TTC7B: variants seen among roughly 807,000 people sequenced by gnomAD.
TTC7B encodes the protein tetratricopeptide repeat domain 7B, also known as tetratricopeptide repeat protein 7B.
Under a neutral mutation model 106.8 loss-of-function variants are expected in TTC7B, and 28 were observed. The observed-to-expected ratio is 0.26, with a 90% CI of 0.19 to 0.36. The LOEUF is 0.36. Among genes scored for constraint, TTC7B ranks in the 10% least tolerant of loss-of-function variants. The pLI is 1.00. For missense variants in TTC7B, 862 were observed against 1,076.4 expected, an observed-to-expected ratio of 0.80 and a Z score of 2.79; for synonymous variants, 405 against 430.6, an observed-to-expected ratio of 0.94 and a Z score of 0.74.
At chr14:90,741,425 C>G (rs1049167171) in intron 4 of TTC7B, among the ~76,000 whole-genome samples, 8 of 152,172 alleles carry the variant, frequency 5.3e-5, no homozygotes, top group African/African-American at 1.4e-4. Context: ...CAGGCCCCAG[C>G]GAGCAGAAGT....
At chr14:90,772,987 A>G (rs951982214) in intron 3 of TTC7B, 1 of 152,346 alleles carries the variant, frequency 6.6e-6, no homozygotes, top group African/African-American at 2.4e-5. Context: ...TAAAAGAACA[A>G]TAAAATAAAA....
intron 1 of TTC7B, among the ~76,000 whole-genome samples, chr14:90,813,813 C>T (rs1209444592): frequency 6.6e-6 from 1 of 152,066 alleles, no homozygotes; most frequent in Non-Finnish European, 1.5e-5. Context: ...AACTTGTGCT[C>T]ATGCACCCGA....
At chr14:90,743,038 G>T (rs1005246158) in intron 4 of TTC7B, among the ~76,000 whole-genome samples, 1 of 152,258 alleles carries the variant, frequency 6.6e-6, no homozygotes, top group Non-Finnish European at 1.5e-5. Flanking sequence ...CAAGGAGGCA[G>T]ACAGTGGAAA....
At chr14:90,750,965 T>C (rs1890116489) in intron 3 of TTC7B, among the ~76,000 whole-genome samples, 1 of 152,252 alleles carries the variant, frequency 6.6e-6, no homozygotes, top group African/African-American at 2.4e-5. Context: ...ATATCAACAC[T>C]GTCTGAGAAG....
intron 7 of TTC7B, among the ~76,000 whole-genome samples, chr14:90,683,802 A>C (rs1274717754): frequency 6.6e-6 from 1 of 152,152 alleles, no homozygotes; most frequent in East Asian, 1.9e-4. Flanking sequence ...GGCTGTGTAC[A>C]CCAGAGGCAA....
intron 7 of TTC7B, among the ~76,000 whole-genome samples, chr14:90,681,276 G>C (rs1042271400): frequency 5.9e-5 from 9 of 152,010 alleles, no homozygotes; most frequent in African/African-American, 2.4e-5. Flanking sequence ...AGAATCCTTT[G>C]AGCAGAATTG....
At chr14:90,661,755 GT>G (rs1228902040) in intron 9 of TTC7B, among the ~76,000 whole-genome samples, 3 of 152,226 alleles carry the variant, frequency 2.0e-5, no homozygotes, top group East Asian at 3.9e-4. Flanking sequence ...TGTTTAAATG[GT>G]TTTTTTGTCC....
intron 1 of TTC7B, among the ~76,000 whole-genome samples, chr14:90,793,438 T>C (rs1891655323): frequency 6.7e-6 from 1 of 150,168 alleles, no homozygotes; most frequent in East Asian, 2.0e-4. Flanking sequence ...GCAGGAAGAA[T>C]CGCTTGAACC....
chr14:90,676,937 G>A (rs1345124375), intron 8 of TTC7B, among the ~76,000 whole-genome samples: 1 of 152,166 alleles, frequency 6.6e-6, no homozygotes, highest in Admixed American at 6.5e-5. Flanking sequence ...CTTGGCAGCC[G>A]ATACAAAGTT....
rs1321959726 is a variant in TTC7B at position 90,527,040 on chromosome 14, T to C, written c.*14328A>G. On this transcript the variant is annotated 3_prime_UTR_variant, in exon 20 of 20. Coordinates refer to ENST00000328459, the MANE Select transcript of TTC7B (RefSeq NM_001010854.2). ...ATGCTCTTGGTAGTTTTGAGGGGTA[T>C]TGGTCAGGTATTTTGTAGAAAGTTC... is the stretch of plus-strand genomic sequence containing the variant. The C allele has an allele frequency of 6.6e-6, 1 of 152,158 alleles. No individual in the cohort carries two copies. The highest frequency in any genetic ancestry group is 2.4e-5 in the African/African-American group (1 of 41,410). 9.4% of individuals were successfully genotyped at this position (152,158 alleles called of 1,614,324 possible). A position where few individuals can be genotyped will look rare whatever the true frequency, so the allele number is the denominator to read the frequency against.
intron 17 of TTC7B, among the ~76,000 whole-genome samples, chr14:90,595,415 G>A (rs1340754204): frequency 3.3e-5 from 5 of 152,172 alleles, no homozygotes; most frequent in African/African-American, 4.8e-5. Flanking sequence ...CCTAAGAAGT[G>A]TGCTAAGAAT....
At chr14:90,557,260 C>T (rs543431849) in intron 19 of TTC7B, among the ~76,000 whole-genome samples, 6 of 152,258 alleles carry the variant, frequency 3.9e-5, no homozygotes, top group East Asian at 1.9e-4. Flanking sequence ...GTTATCTCAG[C>T]GAGAGGGCTG....
intron 18 of TTC7B, among the ~76,000 whole-genome samples, chr14:90,585,007 A>G (rs1185419924): frequency 6.6e-6 from 1 of 152,102 alleles, no homozygotes; most frequent in East Asian, 1.9e-4. Context: ...ACTTAGCCTT[A>G]ATTCTTTCTT....
At chr14:90,709,974 T>C (rs1888375617) in intron 5 of TTC7B, among the ~76,000 whole-genome samples, 1 of 129,946 alleles carries the variant, frequency 7.7e-6, no homozygotes, top group Non-Finnish European at 1.6e-5. Flanking sequence ...AAAAACCTTA[T>C]GTGCCAGAAA....
In TTC7B at chr14:90,531,630, A is replaced by G. The variant is rs1889290906; in HGVS notation, c.*9738T>C. The stretch of plus-strand genomic sequence containing the variant: ...GCGAAACTCCTTCTCAAAAAAAAAA[A>G]AAAAAAAAAAAAAGCCGTGGGTGAA... On this transcript the variant is annotated 3_prime_UTR_variant, in exon 20 of 20. Transcript: ENST00000328459. 4.6e-5 allele frequency: 7 copies of G among 152,188 alleles called. No individual in the cohort carries two copies. In the South Asian group the frequency reaches 1.5e-3, roughly 32 times the overall value. 9.4% of individuals were successfully genotyped at this position (152,188 alleles called of 1,614,324 possible). A position where few individuals can be genotyped will look rare whatever the true frequency, so the allele number is the denominator to read the frequency against.
rs1476799035 is a variant in TTC7B at position 90,789,413 on chromosome 14, T to C, written c.122-3085A>G. 2.6e-5 allele frequency among the ~76,000 whole-genome samples: 4 copies of C among 152,096 alleles called. No homozygotes were observed. In the East Asian group the frequency reaches 5.8e-4, roughly 22 times the overall value. ...ATACCCGGCCTTAATTTATAAATTT[T>C]AATAGCCATGTTAAAAAAGGAAAAG... On this transcript the variant is annotated intron_variant, in intron 1 of 19. Coordinates refer to ENST00000328459, the MANE Select transcript of TTC7B (RefSeq NM_001010854.2).
At chr14:90,801,157 C>T (rs1595046931) in intron 1 of TTC7B, among the ~76,000 whole-genome samples, 1 of 140,688 alleles carries the variant, frequency 7.1e-6, no homozygotes, top group Non-Finnish European at 1.5e-5. Context: ...CCCGGGAGGT[C>T]GAGGCTGTAG....
intron 9 of TTC7B, among the ~76,000 whole-genome samples, chr14:90,671,511 A>G (rs1281933403): frequency 1.3e-5 from 2 of 152,250 alleles, no homozygotes; most frequent in Non-Finnish European, 2.9e-5. Context: ...GCTTGGGTTC[A>G]TTCTGAAAAA....
chr14:90,680,356 C>A, intron 8 of TTC7B, 116 bp downstream of exon 8: 3 of 758,210 alleles, frequency 4.0e-6, no homozygotes, highest in Non-Finnish European at 4.4e-6. Context: ...CCAGGTATAC[C>A]CTCTAGAAAG....
Sources: gnomAD v4.1 joint callset for allele counts (sites outside exome capture counted in the v4.1 genomes callset) on GRCh38, gnomAD v4.1.1 for gene constraint, MANE v1.5 for transcripts, NCBI Gene and HGNC (gene_info 2026-07-23, HGNC 2026-07-21) for gene names.